The following NDUFA10 variants were observed in gnomAD, a reference collection of about 807,000 sequenced individuals.
The protein encoded by NDUFA10 is NADH dehydrogenase [ubiquinone] 1 alpha subcomplex subunit 10, mitochondrial.
In NDUFA10, 40 loss-of-function variants were observed where a neutral mutation model predicts 47.8. The ratio of observed to expected loss-of-function variants is 0.84; its 90% CI spans 0.65 to 1.09. NDUFA10 has a LOEUF of 1.09. Ranked by LOEUF, NDUFA10 falls within the 50% of genes least tolerant of loss-of-function variation. The probability of loss-of-function intolerance (pLI) is 0.00; values close to 1 mark genes in which losing one functional copy is unlikely to be tolerated. For missense variants in NDUFA10, 413 were observed against 451.1 expected (o/e 0.92, Z 0.76); for synonymous variants, 183 against 172.2 (o/e 1.06, Z -0.49).
chr2:239,970,137 T>C (rs1170463194), intron 9 of NDUFA10, among the ~76,000 whole-genome samples: 1 of 151,236 alleles, frequency 6.6e-6, no homozygotes, highest in Non-Finnish European at 1.5e-5. Context: ...CACGAGAAAA[T>C]CTTACAAACA....
At chr2:239,898,980 A>ATGATGGAGGGGTG (rs1693461859) in intron 4 of NDUFA10, among the ~76,000 whole-genome samples, 1 of 79,962 alleles carries the variant, frequency 1.3e-5, no homozygotes, top group African/African-American at 4.0e-5. Context: ...ATGAAGAGGT[A>ATGATGGAGGGGTG]TGATGGAGAG....
chr2:239,973,758 A>T (rs1695397768), intron 9 of NDUFA10: 1 of 380,590 alleles, frequency 2.6e-6, no homozygotes, highest in African/African-American at 2.1e-5. Context: ...ACGTGACTTT[A>T]AAAAATCAGC....
intron 5 of NDUFA10, among the ~76,000 whole-genome samples, chr2:239,893,448 A>C (rs980977354): frequency 3.3e-5 from 5 of 152,176 alleles, no homozygotes; most frequent in Admixed American, 2.6e-4. Flanking sequence ...TACAGACTAG[A>C]TAGATTATAG....
intron 4 of NDUFA10, among the ~76,000 whole-genome samples, chr2:239,927,751 C>T (rs978736834): frequency 3.9e-5 from 6 of 152,126 alleles, no homozygotes; most frequent in African/African-American, 9.7e-5. Flanking sequence ...GCCTGGGTGG[C>T]GACTGGGGAC....
At chr2:239,970,333 A>G (rs1374035050) in intron 9 of NDUFA10, among the ~76,000 whole-genome samples, 1 of 152,234 alleles carries the variant, frequency 6.6e-6, no homozygotes, top group African/African-American at 2.4e-5. Flanking sequence ...GTTGAACTAT[A>G]TATTTTCAGA....
chr2:239,938,887 G>A (rs1559297793), intron 4 of NDUFA10, among the ~76,000 whole-genome samples: 1 of 152,244 alleles, frequency 6.6e-6, no homozygotes, highest in Non-Finnish European at 1.5e-5. Context: ...AGCACAGCCA[G>A]AGGGTCAGCG....
intron 4 of NDUFA10, among the ~76,000 whole-genome samples, chr2:239,917,812 C>T (rs991650824): frequency 1.3e-5 from 2 of 152,248 alleles, no homozygotes; most frequent in African/African-American, 4.8e-5. Context: ...CAGTAAAGAT[C>T]CTCCTGCTTT....
At position 239,985,016 on chromosome 2, in the gene NDUFA10, G is replaced by C. The variant is rs548698583; in HGVS notation, c.999+5058C>G. Among the ~76,000 whole-genome samples, 11 of 152,320 alleles carry C rather than the reference G, an allele frequency of 7.2e-5. No homozygotes were observed. In the South Asian group the frequency reaches 2.3e-3, roughly 32 times the overall value. ...AGCTTGCTTCCTGAGCGCTCTCAGGGGACCTGCCCTGACCTCCATGCCTGC... is the reference window on the plus strand; with the variant it reads ...AGCTTGCTTCCTGAGCGCTCTCAGGCGACCTGCCCTGACCTCCATGCCTGC... On this transcript the variant is annotated intron_variant, in intron 9 of 9. Transcript: ENST00000252711.
intron 4 of NDUFA10, among the ~76,000 whole-genome samples, chr2:239,923,382 C>A (rs1019630807): frequency 2.6e-5 from 4 of 152,044 alleles, no homozygotes; most frequent in Admixed American, 1.3e-4. Flanking sequence ...CCCAAATAGA[C>A]CATATCCTGG....
chr2:239,974,141 C>G (rs963971637), intron 9 of NDUFA10, among the ~76,000 whole-genome samples: 3 of 152,172 alleles, frequency 2.0e-5, no homozygotes, highest in African/African-American at 7.2e-5. Flanking sequence ...GTTGGCCAGG[C>G]TGATCTCCAA....
At chr2:239,953,838 G>T (rs1694603541), downstream of NDUFA10, among the ~76,000 whole-genome samples, 1 of 152,220 alleles carries the variant, frequency 6.6e-6, no homozygotes, top group South Asian at 2.1e-4. Context: ...ACTTAAAATA[G>T]ACTCCGCTTC....
intron 4 of NDUFA10, among the ~76,000 whole-genome samples, chr2:239,920,810 G>A (rs761414098): frequency 8.5e-5 from 13 of 152,174 alleles, no homozygotes; most frequent in Non-Finnish European, 1.8e-4. Flanking sequence ...AGAAAGCCTG[G>A]CAGATGCAGA....
At chr2:239,973,468 G>T (rs1695381385) in intron 9 of NDUFA10, 1 of 467,874 alleles carries the variant, frequency 2.1e-6, no homozygotes, top group African/African-American at 2.0e-5. Context: ...TACTGAAAAT[G>T]AAAACAACTT....
intron 4 of NDUFA10, among the ~76,000 whole-genome samples, chr2:239,932,725 A>G (rs1478413285): frequency 1.3e-5 from 2 of 152,056 alleles, no homozygotes; most frequent in African/African-American, 4.8e-5. Context: ...GACTACAGGC[A>G]TCCGCCACCA....
At chr2:240,003,910 GC>G (rs1696834318) in intron 8 of NDUFA10, among the ~76,000 whole-genome samples, 1 of 152,212 alleles carries the variant, frequency 6.6e-6, no homozygotes, top group Admixed American at 6.5e-5. Flanking sequence ...ACTGCAAGAG[GC>G]AGCCGAGGGA....
intron 4 of NDUFA10, chr2:240,018,296 C>A: frequency 9.8e-7 from 1 of 1,020,546 alleles, no homozygotes; most frequent in Non-Finnish European, 1.4e-6. Flanking sequence ...GCACTTTAAG[C>A]TGCGTGTGTT....
intron 8 of NDUFA10, among the ~76,000 whole-genome samples, chr2:240,000,571 T>C (rs1422625732): frequency 2.0e-5 from 3 of 152,244 alleles, no homozygotes; most frequent in African/African-American, 4.8e-5. Flanking sequence ...TGTAGCCTAA[T>C]TGTACATTGT....
Position 239,960,628 on chromosome 2 carries a change from A to G in NDUFA10, c.*490T>C. 2 of 1,038,234 alleles carry G rather than the reference A, an allele frequency of 1.9e-6. No homozygotes were observed. The highest frequency in any genetic ancestry group is 2.3e-6 in the Non-Finnish European group (2 of 859,768). The allele number at this position is 1,038,234 out of a possible 1,614,324, so 64.3% of individuals were successfully genotyped here. A position where few individuals can be genotyped will look rare whatever the true frequency, so the allele number is the denominator to read the frequency against. On this transcript the variant is annotated 3_prime_UTR_variant, in exon 10 of 10. Coordinates refer to ENST00000252711, the MANE Select transcript of NDUFA10 (RefSeq NM_004544.4). The stretch of plus-strand genomic sequence containing the variant: ...TAGGCCTTTAGAAAAACTCTTCAGC[A>G]TAATGTAAGCCTCAATTAAACCACA...
intron 4 of NDUFA10, among the ~76,000 whole-genome samples, chr2:239,913,453 G>A (rs536276258): frequency 6.6e-6 from 1 of 152,362 alleles, no homozygotes; most frequent in Admixed American, 6.5e-5. Flanking sequence ...TTGGCCAAGA[G>A]CTTCATCTCT....
Sources: allele counts gnomAD v4.1 joint callset (sites outside exome capture counted in the v4.1 genomes callset), GRCh38; gene constraint gnomAD v4.1.1; transcripts MANE v1.5; gene names NCBI Gene and HGNC (gene_info 2026-07-23, HGNC 2026-07-21).